The following LBH variants were observed in gnomAD, a reference collection of about 807,000 sequenced individuals.
The protein encoded by LBH is protein LBH.
Under a neutral mutation model 12.5 loss-of-function variants are expected in LBH, and 7 were observed. The ratio of observed to expected loss-of-function variants is 0.56; its 90% CI spans 0.32 to 1.05. The LOEUF (loss-of-function observed/expected upper bound fraction) is 1.05. LBH is among the 50% of genes least tolerant of loss of function. The probability of loss-of-function intolerance (pLI) is 0.04; values close to 1 mark genes in which losing one functional copy is unlikely to be tolerated. For synonymous variants in LBH, 51 were observed against 50.1 expected, an observed-to-expected ratio of 1.02 and a Z score of -0.08; for missense variants, 119 against 138.9, an observed-to-expected ratio of 0.86 and a Z score of 0.72.
intron 2 of LBH, among the ~76,000 whole-genome samples, chr2:30,246,030 C>T (rs1305139227): frequency 2.0e-5 from 3 of 151,626 alleles, no homozygotes; most frequent in Non-Finnish European, 4.4e-5. Context: ...GCCATCCCAG[C>T]TCACTGCAAC....
intron 2 of LBH, among the ~76,000 whole-genome samples, chr2:30,250,661 T>G (rs187368910): frequency 2.6e-5 from 4 of 151,910 alleles, no homozygotes; most frequent in Non-Finnish European, 2.9e-5. Context: ...GTCCCTAAAT[T>G]TGGGGCCTTT....
chr2:30,257,856 A>T lies in LBH; in HGVS notation c.*235A>T. The T allele has an allele frequency of 5.3e-6, 2 of 375,908 alleles. No homozygotes were observed. Among genetic ancestry groups the T allele is most frequent in the Non-Finnish European group, 9.5e-6 (2 of 210,102 alleles). The allele number at this position is 375,908 out of a possible 1,614,324, so 23.3% of individuals were successfully genotyped here. ...GACAATTTGCAAGGCCCTCTGAGAA[A>T]GGAAGCTGCTTAGAGCCAGGGGGTT... On this transcript the variant is annotated 3_prime_UTR_variant, in exon 3 of 3. Coordinates refer to ENST00000395323, the MANE Select transcript of LBH (RefSeq NM_030915.4).
intron 2 of LBH, among the ~76,000 whole-genome samples, chr2:30,250,946 T>A (rs1306508009): frequency 1.3e-5 from 2 of 152,022 alleles, no homozygotes. Flanking sequence ...CATTTAAGGT[T>A]ACATTAAATT....
intron 2 of LBH, among the ~76,000 whole-genome samples, chr2:30,255,954 C>T (rs768890561): frequency 6.2e-4 from 94 of 152,158 alleles, no homozygotes; most frequent in Non-Finnish European, 1.2e-3. Context: ...CCCTCTGGGG[C>T]CTTGAGTTGC....
At chr2:30,233,246 T>C (rs536819213) in intron 1 of LBH, 1 of 152,400 alleles carries the variant, frequency 6.6e-6, no homozygotes, top group East Asian at 1.9e-4. Flanking sequence ...GCCCTTAACC[T>C]AACTGTGAGG....
At chr2:30,242,399 A>G (rs1030732455) in intron 2 of LBH, among the ~76,000 whole-genome samples, 4 of 152,098 alleles carry the variant, frequency 2.6e-5, no homozygotes, top group Non-Finnish European at 5.9e-5. Flanking sequence ...GAGTGCCACC[A>G]TGCCTGGCTG....
At chr2:30,242,538 C>T (rs1309408516) in intron 2 of LBH, among the ~76,000 whole-genome samples, 5 of 152,022 alleles carry the variant, frequency 3.3e-5, no homozygotes, top group East Asian at 1.9e-4. Flanking sequence ...CCACCACGCC[C>T]GGCCAATATT....
At chr2:30,244,637 C>T (rs1677843718) in intron 2 of LBH, among the ~76,000 whole-genome samples, 1 of 152,132 alleles carries the variant, frequency 6.6e-6, no homozygotes, top group Non-Finnish European at 1.5e-5. Flanking sequence ...ACGCGTGGCT[C>T]ACACCTATAA....
chr2:30,252,195 A>G (rs1558390040), intron 2 of LBH, among the ~76,000 whole-genome samples: 1 of 152,098 alleles, frequency 6.6e-6, no homozygotes, highest in Non-Finnish European at 1.5e-5. Flanking sequence ...TCTCATCATG[A>G]TAGTAAGTGA....
chr2:30,234,225 G>A (rs112554773), intron 1 of LBH, 180 bp from the exon 2 acceptor site: 12,230 of 591,364 alleles, frequency 0.021, 249 homozygotes, highest in South Asian at 0.057. Flanking sequence ...CTGAGCCCTG[G>A]GGCTGTGGGC....
In LBH at chr2:30,251,050, ATTTTTTT is replaced by A. The variant is rs372791263; in HGVS notation, c.130-6367_130-6361del. 4.9e-5 allele frequency among the ~76,000 whole-genome samples: 6 copies of A among 122,528 alleles called. No homozygotes were observed. The East Asian group carries it at 1.3e-3, about 27-fold the overall frequency. 80.4% of individuals were successfully genotyped at this position (122,528 alleles called of 152,430 possible). ...ATTCTTATTTTTTATTGTCAGTAGA[ATTTTTTT>A]TTTTTTTTTTTTTTTGAGAAAGGGT... On this transcript the variant is annotated intron_variant, in intron 2 of 2. Transcript: ENST00000395323.
rs567900649 is a variant in LBH, at chr2:30,252,255, G to A, written c.130-5178G>A. Among the ~76,000 whole-genome samples the A allele has an allele frequency of 3.3e-5, 5 of 152,210 alleles. No homozygotes were observed. The South Asian group carries it at 6.2e-4, about 19-fold the overall frequency. Reference sequence around the variant, plus strand: ...ATAAGGGGCTTTTCTCCCTTTGCTCGGCACTTCTCTCTCCTGCCACCTTGT... The same window carrying A: ...ATAAGGGGCTTTTCTCCCTTTGCTCAGCACTTCTCTCTCCTGCCACCTTGT... On this transcript the variant is annotated intron_variant, in intron 2 of 2. Coordinates refer to ENST00000395323, the MANE Select transcript of LBH (RefSeq NM_030915.4).
chr2:30,235,424 A>C (rs891532434), intron 2 of LBH, among the ~76,000 whole-genome samples: 7 of 152,170 alleles, frequency 4.6e-5, no homozygotes, highest in African/African-American at 1.7e-4. Flanking sequence ...CGTGCTACAG[A>C]CATGAAGGTA....
chr2:30,241,640 A>T (rs1268699601), intron 2 of LBH, among the ~76,000 whole-genome samples: 1 of 151,500 alleles, frequency 6.6e-6, no homozygotes, highest in Admixed American at 6.6e-5. Flanking sequence ...TTGTATTTTT[A>T]TGAGTAGAGA....
intron 2 of LBH, among the ~76,000 whole-genome samples, chr2:30,254,231 A>G (rs994111795): frequency 2.0e-5 from 3 of 152,186 alleles, no homozygotes; most frequent in South Asian, 2.1e-4. Context: ...ATTAGACTCA[A>G]TGTGAGATTA....
At chr2:30,250,418 T>A (rs766192565) in intron 2 of LBH, among the ~76,000 whole-genome samples, 4 of 152,024 alleles carry the variant, frequency 2.6e-5, no homozygotes, top group Non-Finnish European at 5.9e-5. Context: ...TACCTGCTGG[T>A]GTCCGCTTTC....
At chr2:30,244,964 G>A (rs763170091) in intron 2 of LBH, among the ~76,000 whole-genome samples, 20 of 152,144 alleles carry the variant, frequency 1.3e-4, no homozygotes, top group Non-Finnish European at 2.4e-4. Context: ...ATAATTATTT[G>A]TGATATGTTT....
At chr2:30,254,134 G>A (rs1479484561) in intron 2 of LBH, among the ~76,000 whole-genome samples, 1 of 152,148 alleles carries the variant, frequency 6.6e-6, no homozygotes, top group African/African-American at 2.4e-5. Context: ...ACACACAGTG[G>A]TTGCCTGAAA....
At chr2:30,255,084 C>A (rs1349320600) in intron 2 of LBH, among the ~76,000 whole-genome samples, 1 of 152,270 alleles carries the variant, frequency 6.6e-6, no homozygotes, top group East Asian at 1.9e-4. Context: ...CCCACAGAGT[C>A]CCGGGTCTTA....
Sources: gnomAD v4.1 joint callset for allele counts (sites outside exome capture counted in the v4.1 genomes callset) on GRCh38, gnomAD v4.1.1 for gene constraint, MANE v1.5 for transcripts, NCBI Gene and HGNC (gene_info 2026-07-23, HGNC 2026-07-21) for gene names.